The following GRIN2B variants were observed in gnomAD, a reference collection of about 807,000 sequenced individuals.
GRIN2B encodes the protein glutamate receptor ionotropic, NMDA 2B.
GRIN2B carries 5 observed loss-of-function variants against 114.5 expected under a neutral mutation model. The observed-to-expected ratio is 0.04, with a 90% CI of 0.02 to 0.09. GRIN2B has a LOEUF of 0.09. Ranked by LOEUF, GRIN2B falls within the 10% of genes least tolerant of loss-of-function variation. The pLI is 1.00. For missense variants in GRIN2B, 1,108 were observed against 1,943.5 expected, an observed-to-expected ratio of 0.57 and a Z score of 8.08; for synonymous variants, 787 against 745.1, an observed-to-expected ratio of 1.06 and a Z score of -0.92.
rs535415512 is a variant in GRIN2B at position 13,564,589 on chromosome 12, T to A, written c.2649A>T (p.Val883=). The change falls in exon 14 of 14, where the codon GTA becomes GTT. Residue 883 remains valine (V), a synonymous_variant. Coordinates refer to ENST00000609686, the MANE Select transcript of GRIN2B (RefSeq NM_000834.5). The surrounding 1 kb of genome is among the most constrained non-coding windows in gnomAD (Gnocchi z 4.8). ...TCATGGTTGCGGTGGGGGAGTTCAT[T>A]ACAGACTGGCGCTCCTCGATCGCCA... The part of the protein sequence containing the change: ...HGVAIEERQS[V]MNSPTATMNN... 3 of 1,613,982 alleles carry A rather than the reference T, an allele frequency of 1.9e-6. No individual in the cohort carries two copies. In the East Asian group the frequency reaches 6.7e-5, roughly 36 times the overall value.
At chr12:13,947,859 G>A (rs530926261) in intron 2 of GRIN2B, among the ~76,000 whole-genome samples, 3 of 152,230 alleles carry the variant, frequency 2.0e-5, no homozygotes, top group South Asian at 2.1e-4. Flanking sequence ...CTTCCATAAC[G>A]TTAAACCACG....
At chr12:13,618,939 C>T (rs1300817991) in intron 5 of GRIN2B, among the ~76,000 whole-genome samples, 2 of 151,860 alleles carry the variant, frequency 1.3e-5, no homozygotes. Flanking sequence ...AAGGATATTG[C>T]ACACTTTGAT....
chr12:13,797,218 A>T (rs1193539429), intron 3 of GRIN2B, among the ~76,000 whole-genome samples: 2 of 152,128 alleles, frequency 1.3e-5, no homozygotes, highest in African/African-American at 4.8e-5. Context: ...TGCCTTCCTC[A>T]CATGATGGAA....
At chr12:13,686,495 T>C (rs145188960) in intron 4 of GRIN2B, among the ~76,000 whole-genome samples, 5 of 152,246 alleles carry the variant, frequency 3.3e-5, no homozygotes, top group African/African-American at 1.2e-4. Context: ...CTCTGTAGGT[T>C]GATGTTTCCA....
At chr12:13,618,084 A>G (rs373969737) in intron 5 of GRIN2B, among the ~76,000 whole-genome samples, 24 of 152,302 alleles carry the variant, frequency 1.6e-4, no homozygotes, top group African/African-American at 5.5e-4. Context: ...GCTTTCCTTC[A>G]TGTGTATAGG....
chr12:13,897,592 A>G (rs1866374268), intron 2 of GRIN2B, among the ~76,000 whole-genome samples: 1 of 152,206 alleles, frequency 6.6e-6, no homozygotes, highest in Non-Finnish European at 1.5e-5. Context: ...GACTCTTAGA[A>G]GTAACTAGCT....
chr12:13,960,077 C>G (rs1276401233), intron 2 of GRIN2B, among the ~76,000 whole-genome samples: 1 of 152,026 alleles, frequency 6.6e-6, no homozygotes, highest in African/African-American at 2.4e-5. Flanking sequence ...CAAGGGCTGT[C>G]TCATGCATCC....
intron 2 of GRIN2B, among the ~76,000 whole-genome samples, chr12:13,908,377 G>C (rs1323184119): frequency 6.6e-6 from 1 of 152,142 alleles, no homozygotes; most frequent in East Asian, 1.9e-4. Flanking sequence ...ATCATGCTAA[G>C]AGCATGGTTA....
At chr12:13,807,008 A>C (rs1281836160) in intron 3 of GRIN2B, among the ~76,000 whole-genome samples, 1 of 152,166 alleles carries the variant, frequency 6.6e-6, no homozygotes, top group Non-Finnish European at 1.5e-5. Flanking sequence ...TCAAAAAAAA[A>C]AAATTACTCA....
At chr12:13,845,199 T>C (rs919306187) in intron 3 of GRIN2B, among the ~76,000 whole-genome samples, 11 of 152,152 alleles carry the variant, frequency 7.2e-5, no homozygotes, top group African/African-American at 2.7e-4. Context: ...GAATTTAGAT[T>C]ATCCAAATTT....
intron 2 of GRIN2B, among the ~76,000 whole-genome samples, chr12:13,960,652 T>C (rs1368872056): frequency 1.3e-5 from 2 of 151,976 alleles, no homozygotes; most frequent in South Asian, 4.2e-4. Context: ...ATGAATTTTG[T>C]TTTGGATCAG....
intron 2 of GRIN2B, among the ~76,000 whole-genome samples, chr12:13,879,575 T>C (rs1358770150): frequency 6.6e-6 from 1 of 151,848 alleles, no homozygotes; most frequent in African/African-American, 2.4e-5. Flanking sequence ...AGTAATAATA[T>C]AGTTGCAATT....
At chr12:13,966,613 G>A (rs1461966473) in intron 2 of GRIN2B, among the ~76,000 whole-genome samples, 1 of 152,128 alleles carries the variant, frequency 6.6e-6, no homozygotes, top group African/African-American at 2.4e-5. Context: ...GACTTGATCT[G>A]GAAGCTTCTA....
chr12:13,963,269 A>C (rs1265184200), intron 2 of GRIN2B, among the ~76,000 whole-genome samples: 1 of 151,308 alleles, frequency 6.6e-6, no homozygotes, highest in African/African-American at 2.4e-5. Context: ...ATTCTGTAAC[A>C]CTCCCAATTT....
At chr12:13,905,504 G>T (rs1438863225) in intron 2 of GRIN2B, among the ~76,000 whole-genome samples, 1 of 152,062 alleles carries the variant, frequency 6.6e-6, no homozygotes, top group Non-Finnish European at 1.5e-5. Flanking sequence ...CATACTATAT[G>T]CCAATAATTC....
chr12:13,734,484 G>A (rs1382483722), intron 4 of GRIN2B, among the ~76,000 whole-genome samples: 2 of 152,166 alleles, frequency 1.3e-5, no homozygotes, highest in African/African-American at 4.8e-5. Flanking sequence ...AAGCCTAACT[G>A]CTTCTGCCAA....
chr12:13,685,158 A>G (rs1950166285), intron 4 of GRIN2B, among the ~76,000 whole-genome samples: 1 of 152,138 alleles, frequency 6.6e-6, no homozygotes. Flanking sequence ...ATCTTTCTCC[A>G]TTTCCTCAAT....
At chr12:13,898,558 A>G (rs1351231130) in intron 2 of GRIN2B, among the ~76,000 whole-genome samples, 1 of 152,210 alleles carries the variant, frequency 6.6e-6, no homozygotes, top group Non-Finnish European at 1.5e-5. Flanking sequence ...GGAAGAACAC[A>G]AGTGTGGTTC....
At position 13,611,849 on chromosome 12, in the gene GRIN2B, C is replaced by T; in HGVS notation, c.1656G>A (p.Glu552=). The T allele has an allele frequency of 6.8e-6, 11 of 1,613,616 alleles. No individual in the cohort carries two copies. The highest frequency in any genetic ancestry group is 9.3e-6 in the Non-Finnish European group (11 of 1,179,574). The change falls in exon 9 of 14, where the codon GAG becomes GAA. Residue 552 remains glutamate, a splice_region_variant and synonymous_variant. Coordinates refer to ENST00000609686, the MANE Select transcript of GRIN2B (RefSeq NM_000834.5). Reference sequence around the variant, plus strand: ...TCACCCATACGTCAGCGCTGAATGGCTCTGAGGAAGGGAAAAAAGCAGTGC... The same window carrying T: ...TCACCCATACGTCAGCGCTGAATGGTTCTGAGGAAGGGAAAAAAGCAGTGC... ...NGTVSPSAFL[E]PFSADVWVMM...
Sources: allele counts gnomAD v4.1 joint callset (sites outside exome capture counted in the v4.1 genomes callset), GRCh38; gene constraint gnomAD v4.1.1; non-coding constraint Gnocchi (gnomAD v3.1); transcripts MANE v1.5; gene names NCBI Gene and HGNC (gene_info 2026-07-23, HGNC 2026-07-21).